The following CAMTA1 variants were observed in gnomAD, a reference collection of about 807,000 sequenced individuals.
CAMTA1 encodes the protein calmodulin binding transcription activator 1.
Under a neutral mutation model 170.9 loss-of-function variants are expected in CAMTA1, and 27 were observed. The ratio of observed to expected loss-of-function variants is 0.16; its 90% confidence interval spans 0.12 to 0.22. The LOEUF is 0.22. Ranked by LOEUF, CAMTA1 falls within the 10% of genes least tolerant of loss-of-function variation. The pLI is 1.00. For synonymous variants in CAMTA1, 833 were observed against 891.5 expected, an observed-to-expected ratio of 0.93 and a Z score of 1.17; for missense variants, 1,619 against 2,217.2, an observed-to-expected ratio of 0.73 and a Z score of 5.42.
intron 4 of CAMTA1, among the ~76,000 whole-genome samples, chr1:7,109,387 A>G (rs1308050314): frequency 3.9e-5 from 6 of 152,154 alleles, no homozygotes; most frequent in African/African-American, 1.2e-4. Context: ...TGGCATCAAT[A>G]CGCACTCTCT....
intron 6 of CAMTA1, among the ~76,000 whole-genome samples, chr1:7,503,755 G>T (rs1344031946): frequency 6.6e-6 from 1 of 152,188 alleles, no homozygotes; most frequent in African/African-American, 2.4e-5. Flanking sequence ...GGTGGGGGGA[G>T]CCTCCTGTTT....
At chr1:7,317,211 G>A (rs1447850618) in intron 5 of CAMTA1, among the ~76,000 whole-genome samples, 4 of 152,182 alleles carry the variant, frequency 2.6e-5, no homozygotes, top group Non-Finnish European at 5.9e-5. Context: ...AGGCCAGGGC[G>A]AATCCCCAGG....
chr1:6,915,894 C>T (rs368172220), intron 3 of CAMTA1, among the ~76,000 whole-genome samples: 6 of 152,308 alleles, frequency 3.9e-5, no homozygotes, highest in Admixed American at 2.0e-4. Context: ...ACCCCACCAT[C>T]GGTCATTCTT....
At position 7,165,473 on chromosome 1, in the gene CAMTA1, C is replaced by T. The variant is rs138383081; in HGVS notation, c.302+74102C>T. Among the ~76,000 whole-genome samples the T allele has an allele frequency of 6.4e-3, 977 of 152,140 alleles. 4 individuals are homozygous for T. The highest frequency in any genetic ancestry group is 0.023 in the African/African-American group (939 of 41,476). On this transcript the variant is annotated intron_variant, in intron 4 of 22. Coordinates refer to ENST00000303635, the MANE Select transcript of CAMTA1 (RefSeq NM_015215.4). Reference sequence around the variant, plus strand: ...TGGAGACGGAGTCTCACTCTGTCACCCAGGCTGGAGTGCAGTAGTGCGATC... The same window carrying T: ...TGGAGACGGAGTCTCACTCTGTCACTCAGGCTGGAGTGCAGTAGTGCGATC...
intron 5 of CAMTA1, among the ~76,000 whole-genome samples, chr1:7,291,980 T>G (rs1438953376): frequency 6.6e-6 from 1 of 152,210 alleles, no homozygotes; most frequent in Non-Finnish European, 1.5e-5. Context: ...AAAGCTGGTG[T>G]GTGCATTGCA....
chr1:6,988,144 G>A (rs1695673705), intron 3 of CAMTA1, among the ~76,000 whole-genome samples: 1 of 152,148 alleles, frequency 6.6e-6, no homozygotes, highest in African/African-American at 2.4e-5. Flanking sequence ...ACCATTGGCT[G>A]TGCAGTGATG....
At chr1:7,452,207 G>A (rs968547318) in intron 5 of CAMTA1, among the ~76,000 whole-genome samples, 1 of 152,270 alleles carries the variant, frequency 6.6e-6, no homozygotes, top group South Asian at 2.1e-4. Flanking sequence ...AGACTCACGG[G>A]GGGTCTGTGT....
At chr1:7,149,202 G>A (rs1329927352) in intron 4 of CAMTA1, among the ~76,000 whole-genome samples, 1 of 152,228 alleles carries the variant, frequency 6.6e-6, no homozygotes, top group African/African-American at 2.4e-5. Context: ...GGAATTGGGA[G>A]TCCCAGATGT....
At chr1:7,449,484 A>G (rs1463101257) in intron 5 of CAMTA1, among the ~76,000 whole-genome samples, 2 of 152,148 alleles carry the variant, frequency 1.3e-5, no homozygotes, top group South Asian at 2.1e-4. Context: ...GAAGATAGGA[A>G]TGAGGGCCAG....
At chr1:7,152,647 A>T (rs1290711401) in intron 4 of CAMTA1, among the ~76,000 whole-genome samples, 1 of 152,040 alleles carries the variant, frequency 6.6e-6, no homozygotes, top group Non-Finnish European at 1.5e-5. Context: ...GCATTGCTCG[A>T]TTTTGCTCAA....
At position 6,899,566 on chromosome 1, in the gene CAMTA1, A is replaced by G. The variant is rs903744867; in HGVS notation, c.234+74356A>G. Among the ~76,000 whole-genome samples the G allele has an allele frequency of 1.5e-3, 224 of 148,900 alleles. 1 individual carries two copies. The highest frequency in any genetic ancestry group is 5.1e-3 in the African/African-American group (199 of 38,682). ...CGCACGCGCGCGCGCACACACACAC[A>G]CACACACACACACACACACACACAC... On this transcript the variant is annotated intron_variant, in intron 3 of 22. Coordinates refer to ENST00000303635, the MANE Select transcript of CAMTA1 (RefSeq NM_015215.4).
At chr1:7,328,219 C>T (rs184717241) in intron 5 of CAMTA1, among the ~76,000 whole-genome samples, 173 of 152,192 alleles carry the variant, frequency 1.1e-3, no homozygotes, top group Admixed American at 2.2e-3. Flanking sequence ...TCAGACAGGT[C>T]GGGATGATGG....
At chr1:7,198,875 G>A (rs1366523436) in intron 4 of CAMTA1, among the ~76,000 whole-genome samples, 1 of 152,120 alleles carries the variant, frequency 6.6e-6, no homozygotes, top group Admixed American at 6.5e-5. Context: ...GGAGCCCCGC[G>A]GGCAACGCTG....
chr1:7,154,027 A>G (rs898285750), intron 4 of CAMTA1, among the ~76,000 whole-genome samples: 1 of 152,208 alleles, frequency 6.6e-6, no homozygotes, highest in African/African-American at 2.4e-5. Context: ...ACCTGGGGAC[A>G]GTGGGATGGA....
Position 7,738,537 on chromosome 1 carries a change from G to A in CAMTA1, c.4182+55G>A. 6.4e-7 allele frequency: 1 copy of A among 1,553,002 alleles called. No individual in the cohort carries two copies. The highest frequency in any genetic ancestry group is 8.7e-7 in the Non-Finnish European group (1 of 1,145,598). ...GAGGCTGGTGCGTTCCAGTTGCTGT[G>A]ATCTTTATGGTCCATTTCCGAAGGT... On this transcript the variant is annotated intron_variant, in intron 16 of 22. Transcript: ENST00000303635. The surrounding 1 kb of genome is among the most constrained non-coding windows in gnomAD (Gnocchi z 4.9).
At position 7,063,017 on chromosome 1, in the gene CAMTA1, G is replaced by A. The variant is rs1308154856; in HGVS notation, c.235-28287G>A. ...TCGCAAAGCTCCTATTTCCAAATAA[G>A]GGCACATGCGTGGGTACAGGGGTTA... On this transcript the variant is annotated intron_variant, in intron 3 of 22. Transcript: ENST00000303635. The surrounding 1 kb of genome is among the most constrained non-coding windows in gnomAD (Gnocchi z 4.3). 1.3e-5 allele frequency among the ~76,000 whole-genome samples: 2 copies of A among 152,176 alleles called. No individual in the cohort carries two copies. Among genetic ancestry groups the A allele is most frequent in the East Asian group, 3.8e-4 (2 of 5,200 alleles).
rs141627922 is a variant in CAMTA1 at position 7,264,506 on chromosome 1, C to T, written c.438+14880C>T. ...TTTCATGTGTGCAAAAGGAAAGCCA[C>T]GTGTGTAGAGCACTCGGTGATTCTG... On this transcript the variant is annotated intron_variant, in intron 5 of 22. Coordinates refer to ENST00000303635, the MANE Select transcript of CAMTA1 (RefSeq NM_015215.4). Among the ~76,000 whole-genome samples, 283 of 152,244 alleles carry T rather than the reference C, an allele frequency of 1.9e-3. 2 individuals carry two copies. Among genetic ancestry groups the T allele is most frequent in the Admixed American group, 5.6e-3 (86 of 15,296 alleles).
intron 4 of CAMTA1, among the ~76,000 whole-genome samples, chr1:7,215,534 C>T (rs1659601538): frequency 6.6e-6 from 1 of 152,200 alleles, no homozygotes; most frequent in Non-Finnish European, 1.5e-5. Flanking sequence ...GCTGGGACTA[C>T]AGGCACACAC....
chr1:7,238,943 C>T lies in CAMTA1; in HGVS notation c.303-10548C>T, dbSNP rs373931776. Among the ~76,000 whole-genome samples, 601 of 152,268 alleles carry T rather than the reference C, an allele frequency of 3.9e-3. 1 individual carries two copies. The highest frequency in any genetic ancestry group is 0.014 in the African/African-American group (586 of 41,548). On this transcript the variant is annotated intron_variant, in intron 4 of 22. Transcript: ENST00000303635. Reference sequence around the variant, plus strand: ...GTGGCCGAGCATTCACGTGGGGTGCCGTGGGTGCCACAGCCCCACCTCTGC... The same window carrying T: ...GTGGCCGAGCATTCACGTGGGGTGCTGTGGGTGCCACAGCCCCACCTCTGC...
Sources: allele counts gnomAD v4.1 joint callset (sites outside exome capture counted in the v4.1 genomes callset), GRCh38; gene constraint gnomAD v4.1.1; non-coding constraint Gnocchi (gnomAD v3.1); transcripts MANE v1.5; gene names NCBI Gene and HGNC (gene_info 2026-07-23, HGNC 2026-07-21).